The following CUL5 variants were observed in gnomAD, a reference collection of about 807,000 sequenced individuals.
The protein encoded by CUL5 is cullin 5.
CUL5 carries 26 observed loss-of-function variants against 108.8 expected under a neutral mutation model. That is an observed-to-expected ratio of 0.24 (90% CI 0.18 to 0.33). CUL5 has a LOEUF of 0.33. Ranked by LOEUF, CUL5 falls within the 10% of genes least tolerant of loss-of-function variation. The pLI is 1.00. For missense variants in CUL5, 524 were observed against 909.2 expected (o/e 0.58, Z 5.45); for synonymous variants, 334 against 298.0 (o/e 1.12, Z -1.25).
At chr11:108,058,513 G>A (rs1319349313) in intron 7 of CUL5, among the ~76,000 whole-genome samples, 1 of 151,574 alleles carries the variant, frequency 6.6e-6, no homozygotes, top group African/African-American at 2.4e-5. Flanking sequence ...CTCCCAAAGT[G>A]CTGGGATTAC....
At chr11:108,045,358 G>T (rs1286972550) in intron 2 of CUL5, among the ~76,000 whole-genome samples, 1 of 152,242 alleles carries the variant, frequency 6.6e-6, no homozygotes, top group African/African-American at 2.4e-5. Flanking sequence ...TTGGGAGGCT[G>T]AGGCAGGAGA....
rs150467939 is a variant in CUL5 at position 108,045,294 on chromosome 11, A to C, written c.135-976A>C. ...TAGGAGATATGCTTTATTGTGATTTAAGTGACTAATTTTTTTAAAAAGACA... is the reference window on the plus strand; with the variant it reads ...TAGGAGATATGCTTTATTGTGATTTCAGTGACTAATTTTTTTAAAAAGACA... On this transcript the variant is annotated intron_variant, in intron 2 of 18. Coordinates refer to ENST00000393094, the MANE Select transcript of CUL5 (RefSeq NM_003478.6). Among the ~76,000 whole-genome samples, 26 of 152,332 alleles carry C rather than the reference A, an allele frequency of 1.7e-4. 1 individual carries two copies. In the East Asian group the frequency reaches 1.7e-3, roughly 10 times the overall value.
chr11:108,037,373 C>A (rs1004730425), intron 2 of CUL5, among the ~76,000 whole-genome samples: 1 of 152,190 alleles, frequency 6.6e-6, no homozygotes, highest in Non-Finnish European at 1.5e-5. Flanking sequence ...CTTCATGAGT[C>A]CAACTTCTAA....
intron 2 of CUL5, among the ~76,000 whole-genome samples, chr11:108,041,878 C>T (rs1168030308): frequency 6.6e-6 from 1 of 152,178 alleles, no homozygotes; most frequent in East Asian, 1.9e-4. Context: ...AGGCGTGAAC[C>T]ACCGCACCAG....
intron 16 of CUL5, among the ~76,000 whole-genome samples, chr11:108,096,447 C>T (rs1054468508): frequency 2.6e-5 from 4 of 151,442 alleles, no homozygotes; most frequent in African/African-American, 9.7e-5. Flanking sequence ...AATCACACCA[C>T]TGCACTCCAG....
intron 7 of CUL5, among the ~76,000 whole-genome samples, chr11:108,066,340 T>C (rs562289198): frequency 4.6e-5 from 7 of 151,632 alleles, no homozygotes; most frequent in South Asian, 2.1e-4. Flanking sequence ...CGAGACTCTG[T>C]CTCAAAAAAA....
intron 3 of CUL5, 126 bp downstream of exon 3, chr11:108,046,495 T>G (rs1555015869): frequency 1.8e-6 from 1 of 565,242 alleles, no homozygotes; most frequent in Non-Finnish European, 3.1e-6. Flanking sequence ...GACACATTTG[T>G]TAAATAAATT....
chr11:108,060,272 A>G (rs1298985925), intron 7 of CUL5, among the ~76,000 whole-genome samples: 1 of 152,198 alleles, frequency 6.6e-6, no homozygotes, highest in Non-Finnish European at 1.5e-5. Flanking sequence ...AGTAGTACAG[A>G]AAGAATCTTA....
chr11:108,023,995 T>C (rs1357614091), intron 1 of CUL5, among the ~76,000 whole-genome samples: 1 of 152,246 alleles, frequency 6.6e-6, no homozygotes, highest in Non-Finnish European at 1.5e-5. Flanking sequence ...GTATGGTTTC[T>C]AGATAATTGT....
chr11:108,098,641 G>A (rs1864560992), intron 18 of CUL5, 112 bp downstream of exon 18: 2 of 775,458 alleles, frequency 2.6e-6, no homozygotes, highest in Non-Finnish European at 3.7e-6. Context: ...GCTAAGTGCA[G>A]TGGCCCACAC....
At chr11:108,066,194 CTT>C (rs1863672674) in intron 7 of CUL5, among the ~76,000 whole-genome samples, 1 of 152,008 alleles carries the variant, frequency 6.6e-6, no homozygotes, top group South Asian at 2.1e-4. Context: ...CAAAAACAAA[CTT>C]AGCCAGGCGT....
chr11:108,052,949 A>T (rs1863272039), intron 5 of CUL5, 148 bp downstream of exon 5: 1 of 570,364 alleles, frequency 1.8e-6, no homozygotes, highest in Admixed American at 3.5e-5. Context: ...TAAGCAAATG[A>T]TAATTCTGCT....
At position 108,091,646 on chromosome 11, in the gene CUL5, A is replaced by G. The variant is rs191419840; in HGVS notation, c.1443+2023A>G. On this transcript the variant is annotated intron_variant, in intron 13 of 18. Transcript: ENST00000393094. ...GGAGGTTGCATTGAACAGAGATCTTACCACTGTACTCCTGCCTGAGCAACA... is the reference window on the plus strand; with the variant it reads ...GGAGGTTGCATTGAACAGAGATCTTGCCACTGTACTCCTGCCTGAGCAACA... Among the ~76,000 whole-genome samples the G allele has an allele frequency of 1.1e-3, 169 of 149,994 alleles. 1 individual carries two copies. The highest frequency in any genetic ancestry group is 9.0e-3 in the Admixed American group (135 of 15,050).
chr11:108,071,955 TTG>T (rs1863834743), intron 8 of CUL5, among the ~76,000 whole-genome samples: 1 of 152,014 alleles, frequency 6.6e-6, no homozygotes, highest in African/African-American at 2.4e-5. Flanking sequence ...GGCGAGAGGA[TTG>T]TGTGAGCCCC....
intron 1 of CUL5, among the ~76,000 whole-genome samples, chr11:108,016,892 A>G (rs1862206409): frequency 6.6e-6 from 1 of 152,234 alleles, no homozygotes; most frequent in Non-Finnish European, 1.5e-5. Context: ...TGGAAAGCAG[A>G]GGCAGGAGGA....
In CUL5 at chr11:108,089,640, A is replaced by T. The variant is rs769407237; in HGVS notation, c.1443+17A>T. On this transcript the variant is annotated intron_variant, in intron 13 of 18. Transcript: ENST00000393094. Reference sequence around the variant, plus strand: ...TGGCTAAGAGTAAGTAAATTTTTTTAAATATTTGGTTTTCTAATACATTAC... The same window carrying T: ...TGGCTAAGAGTAAGTAAATTTTTTTTAATATTTGGTTTTCTAATACATTAC... 2.8e-6 allele frequency: 4 copies of T among 1,445,362 alleles called. No homozygotes were observed. The East Asian group carries it at 9.8e-5, about 35-fold the overall frequency. The allele number at this position is 1,445,362 out of a possible 1,614,324, so 89.5% of individuals were successfully genotyped here. A position where few individuals can be genotyped will look rare whatever the true frequency, so the allele number is the denominator to read the frequency against.
In CUL5 at chr11:108,106,324, CAG is replaced by C. The variant is rs1330160008; in HGVS notation, c.*1942_*1943del. The C allele has an allele frequency of 3.3e-5, 5 of 152,486 alleles. No homozygotes were observed. The highest frequency in any genetic ancestry group is 7.4e-5 in the Non-Finnish European group (5 of 67,988). 9.4% of individuals were successfully genotyped at this position (152,486 alleles called of 1,614,324 possible). On this transcript the variant is annotated 3_prime_UTR_variant, in exon 19 of 19. Coordinates refer to ENST00000393094, the MANE Select transcript of CUL5 (RefSeq NM_003478.6). ...TGTTGTTTTAAACCATAATTGTTCT[CAG>C]AACTTTTTTGGAACTTCTAATTTTG...
At chr11:108,019,109 A>G (rs1047308340) in intron 1 of CUL5, among the ~76,000 whole-genome samples, 1 of 147,840 alleles carries the variant, frequency 6.8e-6, no homozygotes, top group African/African-American at 2.5e-5. Context: ...TTTAAAGTGT[A>G]TGGGAGGATG....
chr11:108,098,083 TTTG>T (rs776552531), intron 17 of CUL5, among the ~76,000 whole-genome samples: 6 of 152,150 alleles, frequency 3.9e-5, no homozygotes, highest in Non-Finnish European at 5.9e-5. Context: ...TTTGTTTTTG[TTTG>T]TTAAGACCCA....
Sources: allele counts gnomAD v4.1 joint callset (sites outside exome capture counted in the v4.1 genomes callset), GRCh38; gene constraint gnomAD v4.1.1; transcripts MANE v1.5; gene names NCBI Gene and HGNC (gene_info 2026-07-23, HGNC 2026-07-21).